The following WWOX variants were observed in gnomAD, a reference collection of about 807,000 sequenced individuals.
WWOX encodes WW domain-containing oxidoreductase.
WWOX carries 69 observed loss-of-function variants against 46.2 expected under a neutral mutation model. The ratio of observed to expected loss-of-function variants is 1.49; its 90% confidence interval spans 1.23 to 1.82. The LOEUF (loss-of-function observed/expected upper bound fraction) is 1.82, where lower values mean the gene tolerates loss of function less well. Among genes scored for constraint, WWOX ranks in the 40% most tolerant of loss-of-function variants. WWOX has a pLI of 0.00. For synonymous variants in WWOX, 359 were observed against 202.6 expected (o/e 1.77, Z -6.56); for missense variants, 919 against 542.6 (o/e 1.69, Z -6.89).
chr16:78,797,559 C>T (rs1005014243), intron 8 of WWOX, among the ~76,000 whole-genome samples: 1 of 152,062 alleles, frequency 6.6e-6, no homozygotes, highest in Admixed American at 6.6e-5. Context: ...AGTCTGGCTG[C>T]TTTTTCAACC....
chr16:79,012,444 G>A (rs192666684), intron 8 of WWOX, among the ~76,000 whole-genome samples: 3 of 152,092 alleles, frequency 2.0e-5, no homozygotes, highest in Non-Finnish European at 2.9e-5. Context: ...CATTGGCCAG[G>A]CTGGTCTCGA....
At chr16:79,174,519 C>T (rs886362769) in intron 8 of WWOX, among the ~76,000 whole-genome samples, 26 of 152,174 alleles carry the variant, frequency 1.7e-4, no homozygotes, top group African/African-American at 6.3e-4. Flanking sequence ...CGTGGTGGCG[C>T]ATGCCTATAA....
At chr16:78,404,432 C>A (rs1190273371) in intron 6 of WWOX, among the ~76,000 whole-genome samples, 5 of 152,098 alleles carry the variant, frequency 3.3e-5, no homozygotes, top group Non-Finnish European at 7.4e-5. Context: ...GCGTGAGAAG[C>A]TGAGGGTCAC....
At chr16:78,537,353 G>A (rs1248233390) in intron 8 of WWOX, among the ~76,000 whole-genome samples, 2 of 152,186 alleles carry the variant, frequency 1.3e-5, no homozygotes, top group African/African-American at 4.8e-5. Flanking sequence ...GTAGATAGAT[G>A]AAGGGTTAGG....
chr16:78,358,373 T>A (rs1213107720), intron 5 of WWOX, among the ~76,000 whole-genome samples: 1 of 152,168 alleles, frequency 6.6e-6, no homozygotes, highest in East Asian at 1.9e-4. Flanking sequence ...ATATAATAAT[T>A]ATAGCCAAGT....
intron 4 of WWOX, among the ~76,000 whole-genome samples, chr16:78,163,924 A>G (rs574366683): frequency 7.2e-5 from 11 of 152,178 alleles, no homozygotes; most frequent in African/African-American, 1.4e-4. Context: ...AGATGGTTCT[A>G]TGTTGTCAGG....
intron 8 of WWOX, among the ~76,000 whole-genome samples, chr16:78,886,553 C>G (rs1452313639): frequency 2.6e-5 from 4 of 150,960 alleles, no homozygotes; most frequent in Non-Finnish European, 5.9e-5. Flanking sequence ...CATCTCACAT[C>G]TAAACTGTTT....
chr16:78,306,938 G>T (rs2080145536), intron 5 of WWOX, among the ~76,000 whole-genome samples: 1 of 152,152 alleles, frequency 6.6e-6, no homozygotes, highest in South Asian at 2.1e-4. Context: ...CCTTATGACA[G>T]GTTTCCAGTA....
intron 8 of WWOX, among the ~76,000 whole-genome samples, chr16:78,758,948 A>G (rs538735166): frequency 6.6e-6 from 1 of 151,906 alleles, no homozygotes; most frequent in Admixed American, 6.6e-5. Flanking sequence ...AAAAAAAAAA[A>G]AAACAAAAAA....
intron 8 of WWOX, among the ~76,000 whole-genome samples, chr16:78,961,776 G>C (rs968662166): frequency 1.3e-5 from 2 of 152,132 alleles, no homozygotes; most frequent in Non-Finnish European, 2.9e-5. Flanking sequence ...TTTTAAACAA[G>C]TACCTCAGGT....
At position 79,203,985 on chromosome 16, in the gene WWOX, G is replaced by A. The variant is rs538456825; in HGVS notation, c.1057-7623G>A. On this transcript the variant is annotated intron_variant, in intron 8 of 8. Transcript: ENST00000566780. ...TAAACACCCAGCAGTCCTTTAGCAC[G>A]GGCATCAAGGTGGCCCAGTTGGAAA... The A allele has an allele frequency of 2.5e-4, 38 of 152,152 alleles. No homozygotes were observed. The East Asian group carries it at 7.0e-3, about 28-fold the overall frequency. 9.4% of individuals were successfully genotyped at this position (152,152 alleles called of 1,614,324 possible).
At chr16:78,405,238 T>A (rs1225287502) in intron 6 of WWOX, among the ~76,000 whole-genome samples, 1 of 152,214 alleles carries the variant, frequency 6.6e-6, no homozygotes, top group African/African-American at 2.4e-5. Flanking sequence ...GAAAAATTCC[T>A]GGTGGTCTCC....
At chr16:78,807,015 C>T (rs1257976511) in intron 8 of WWOX, among the ~76,000 whole-genome samples, 1 of 152,226 alleles carries the variant, frequency 6.6e-6, no homozygotes, top group Non-Finnish European at 1.5e-5. Flanking sequence ...GACACTAATG[C>T]TGACCCCACA....
intron 8 of WWOX, among the ~76,000 whole-genome samples, chr16:79,178,599 G>A (rs1411652832): frequency 6.6e-6 from 1 of 152,090 alleles, no homozygotes; most frequent in Non-Finnish European, 1.5e-5. Context: ...TTACAGTTGA[G>A]AGCCACCACA....
chr16:78,684,065 G>A (rs145013479), intron 8 of WWOX, among the ~76,000 whole-genome samples: 400 of 152,164 alleles, frequency 2.6e-3, no homozygotes, highest in Non-Finnish European at 5.0e-3. Flanking sequence ...GTTTTGGCTC[G>A]CACATGCTTC....
At chr16:78,292,753 G>A (rs1019476080) in intron 5 of WWOX, among the ~76,000 whole-genome samples, 4 of 152,160 alleles carry the variant, frequency 2.6e-5, no homozygotes, top group Non-Finnish European at 5.9e-5. Context: ...TAAAGTGTTT[G>A]GAGGGCTTCG....
At chr16:78,275,114 T>A (rs1476054370) in intron 5 of WWOX, among the ~76,000 whole-genome samples, 2 of 152,240 alleles carry the variant, frequency 1.3e-5, no homozygotes, top group Non-Finnish European at 2.9e-5. Flanking sequence ...CTCTTGCCTT[T>A]ATGCTTTAAG....
At chr16:79,092,803 A>G (rs1311973258) in intron 8 of WWOX, among the ~76,000 whole-genome samples, 1 of 152,100 alleles carries the variant, frequency 6.6e-6, no homozygotes, top group African/African-American at 2.4e-5. Context: ...TGGCTCCTTC[A>G]TAAACCCTAG....
chr16:78,632,150 G>C (rs1439618351), intron 8 of WWOX, among the ~76,000 whole-genome samples: 2 of 152,112 alleles, frequency 1.3e-5, no homozygotes, highest in Non-Finnish European at 2.9e-5. Flanking sequence ...GAAATAGCTG[G>C]GTTGAATTCC....
Sources: allele counts gnomAD v4.1 joint callset (sites outside exome capture counted in the v4.1 genomes callset), GRCh38; gene constraint gnomAD v4.1.1; transcripts MANE v1.5; gene names NCBI Gene and HGNC (gene_info 2026-07-23, HGNC 2026-07-21).